Variants in CNOT10 observed in about 807,000 individuals in gnomAD.
The protein encoded by CNOT10 is CCR4-NOT transcription complex subunit 10.
Under a neutral mutation model 94.6 loss-of-function variants are expected in CNOT10, and 30 were observed. The observed-to-expected ratio is 0.32, with a 90% CI of 0.24 to 0.43. The LOEUF (loss-of-function observed/expected upper bound fraction) is 0.43, where lower values mean the gene tolerates loss of function less well. Ranked by LOEUF, CNOT10 falls within the 20% of genes least tolerant of loss-of-function variation. CNOT10 has a pLI of 1.00. For synonymous variants in CNOT10, 289 were observed against 301.6 expected (o/e 0.96, Z 0.43); for missense variants, 759 against 877.2 (o/e 0.87, Z 1.70).
intron 3 of CNOT10, among the ~76,000 whole-genome samples, chr3:32,707,296 T>TTA (rs1173680733): frequency 1.3e-5 from 2 of 151,892 alleles, no homozygotes; most frequent in Non-Finnish European, 2.9e-5. Context: ...TTCTTTTGTG[T>TTA]CAGTTACAGA....
At position 32,772,738 on chromosome 3, in the gene CNOT10, T is replaced by G. The variant is rs957134857; in HGVS notation, c.2081-719T>G. Among the ~76,000 whole-genome samples the G allele has an allele frequency of 5.3e-5, 8 of 152,164 alleles. No individual in the cohort carries two copies. The East Asian group carries it at 1.5e-3, about 29-fold the overall frequency. On this transcript the variant is annotated intron_variant, in intron 18 of 18. Transcript: ENST00000328834. ...TCTAAGGCATAACTCCTTGTTGACC[T>G]TGGGAACTCTTACAAGGCTCCCTTT... is the stretch of plus-strand genomic sequence containing the variant.
intron 6 of CNOT10, among the ~76,000 whole-genome samples, 163 bp from the exon 7 acceptor site, chr3:32,716,991 C>G (rs62250842): frequency 6.6e-6 from 1 of 152,016 alleles, no homozygotes; most frequent in African/African-American, 2.4e-5. Context: ...GAAGTATATT[C>G]GAAGAGTACA....
At chr3:32,693,153 G>C (rs1473314327) in intron 1 of CNOT10, among the ~76,000 whole-genome samples, 1 of 152,196 alleles carries the variant, frequency 6.6e-6, no homozygotes, top group Non-Finnish European at 1.5e-5. Context: ...CCAGTTTTCA[G>C]AACAAGGAGT....
chr3:32,720,192 A>G lies in CNOT10; in HGVS notation c.823A>G (p.Ser275Gly), dbSNP rs759000467. 22 of 1,540,130 alleles carry G rather than the reference A, an allele frequency of 1.4e-5. No homozygotes were observed. Among genetic ancestry groups the G allele is most frequent in the Non-Finnish European group, 1.7e-5 (19 of 1,128,552 alleles). The change falls in exon 8 of 19, where the codon AGT becomes GGT. Residue 275 changes from serine (S) to glycine (G), a missense_variant. By Grantham distance (56) the Ser-to-Gly change is moderately conservative (BLOSUM62 0). Coordinates refer to ENST00000328834, the MANE Select transcript of CNOT10 (RefSeq NM_015442.3). ...TCGAAAAGCCGTGAAGCTATTAAAT[A>G]GTTCAAACATTGCTGAGCATCCAGG... ...NYRKAVKLLNSSNIAEHPGFM... is the reference protein window; with the variant it reads ...NYRKAVKLLNGSNIAEHPGFM...
chr3:32,721,647 CTTTT>C (rs746767255), intron 8 of CNOT10, among the ~76,000 whole-genome samples: 2 of 131,592 alleles, frequency 1.5e-5, no homozygotes. Flanking sequence ...ATTACATATT[CTTTT>C]TTTTTTTTTT....
In CNOT10 at chr3:32,685,406, G is replaced by C. The variant is rs1410887182; in HGVS notation, c.-55G>C. The C allele has an allele frequency of 6.5e-7, 1 of 1,548,046 alleles. No individual in the cohort carries two copies. The highest frequency in any genetic ancestry group is 8.7e-7 in the Non-Finnish European group (1 of 1,144,994). Reference sequence around the variant, plus strand: ...GGTCCAGGACAGCGGCCAGCCCGGCGGCGGGAGTCAGGGCCACGCCACCTG... The same window carrying C: ...GGTCCAGGACAGCGGCCAGCCCGGCCGCGGGAGTCAGGGCCACGCCACCTG... On this transcript the variant is annotated 5_prime_UTR_variant, in exon 1 of 19. Coordinates refer to ENST00000328834, the MANE Select transcript of CNOT10 (RefSeq NM_015442.3).
At chr3:32,748,715 G>A (rs1298909907) in intron 13 of CNOT10, among the ~76,000 whole-genome samples, 1 of 151,636 alleles carries the variant, frequency 6.6e-6, no homozygotes, top group Non-Finnish European at 1.5e-5. Flanking sequence ...TCACCATTTT[G>A]GCCAGGCTGA....
chr3:32,767,070 G>A lies in CNOT10; in HGVS notation c.2004+2261G>A, dbSNP rs1700676704. ...GTTAGGAGACACCTTCCTAAAAAGG[G>A]AATTGCATGGTCAGAGGATATGCAG... is the stretch of plus-strand genomic sequence containing the variant. On this transcript the variant is annotated intron_variant, in intron 17 of 18. Transcript: ENST00000328834. Among the ~76,000 whole-genome samples, 4 of 152,192 alleles carry A rather than the reference G, an allele frequency of 2.6e-5. No homozygotes were observed. The South Asian group carries it at 8.3e-4, about 32-fold the overall frequency.
At chr3:32,755,881 A>G (rs1271613723) in intron 13 of CNOT10, among the ~76,000 whole-genome samples, 4 of 151,312 alleles carry the variant, frequency 2.6e-5, no homozygotes, top group South Asian at 2.1e-4. Flanking sequence ...CACAGGGGGG[A>G]AAAGCTAGTG....
intron 1 of CNOT10, among the ~76,000 whole-genome samples, chr3:32,686,081 C>T (rs1330252184): frequency 6.6e-6 from 1 of 152,192 alleles, no homozygotes; most frequent in East Asian, 1.9e-4. Context: ...CCTATTGTCT[C>T]TCTACAGTCT....
chr3:32,711,356 A>C (rs1243425019), intron 4 of CNOT10, among the ~76,000 whole-genome samples: 2 of 152,156 alleles, frequency 1.3e-5, no homozygotes, highest in Non-Finnish European at 2.9e-5. Flanking sequence ...AATACCTAAT[A>C]CACTGTAAAT....
At chr3:32,767,853 CAG>C (rs1700718016) in intron 17 of CNOT10, among the ~76,000 whole-genome samples, 1 of 152,178 alleles carries the variant, frequency 6.6e-6, no homozygotes, top group Non-Finnish European at 1.5e-5. Context: ...CTGCAGCAAA[CAG>C]AGCTTTTGAT....
At position 32,695,819 on chromosome 3, in the gene CNOT10, C is replaced by T. The variant is rs1559476218; in HGVS notation, c.23-8049C>T. ...GAAATGCTGTGGGATTATGTGCAGA[C>T]TCTGTCTGGTAAGAAGTCAGTAGTT... On this transcript the variant is annotated intron_variant, in intron 1 of 18. Transcript: ENST00000328834. The T allele has an allele frequency of 4.6e-6, 7 of 1,535,392 alleles. No homozygotes were observed. In the South Asian group the frequency reaches 4.8e-5, roughly 10 times the overall value.
intron 13 of CNOT10, among the ~76,000 whole-genome samples, chr3:32,744,708 A>AT (rs1699618746): frequency 6.6e-6 from 1 of 152,176 alleles, no homozygotes; most frequent in South Asian, 2.1e-4. Context: ...AGATACTAAT[A>AT]TAATGGATCA....
intron 13 of CNOT10, chr3:32,753,955 G>A: frequency 7.8e-6 from 7 of 893,828 alleles, no homozygotes; most frequent in Non-Finnish European, 1.2e-5. Context: ...AAATTAGCTG[G>A]GCATGGAGGT....
chr3:32,691,905 A>C (rs577855198), intron 1 of CNOT10, among the ~76,000 whole-genome samples: 24 of 151,900 alleles, frequency 1.6e-4, no homozygotes, highest in Non-Finnish European at 1.5e-5. Flanking sequence ...AAAATGTAAA[A>C]AATTAGTGGT....
chr3:32,751,444 T>A (rs186360002), intron 13 of CNOT10, among the ~76,000 whole-genome samples: 8 of 152,276 alleles, frequency 5.3e-5, no homozygotes, highest in African/African-American at 1.7e-4. Context: ...ATTTCTAAAA[T>A]GGGAGGCCAC....
chr3:32,693,680 T>C (rs968337370), intron 1 of CNOT10, among the ~76,000 whole-genome samples: 9 of 151,982 alleles, frequency 5.9e-5, no homozygotes, highest in Non-Finnish European at 1.3e-4. Flanking sequence ...TAGCTGGGAC[T>C]ATAGGCATGC....
intron 18 of CNOT10, among the ~76,000 whole-genome samples, chr3:32,770,353 T>G (rs1575319517): frequency 7.1e-6 from 1 of 139,992 alleles, no homozygotes; most frequent in Non-Finnish European, 1.5e-5. Flanking sequence ...TGAGACAGAG[T>G]CTTGCTCTGT....
Sources: allele counts gnomAD v4.1 joint callset (sites outside exome capture counted in the v4.1 genomes callset), GRCh38; gene constraint gnomAD v4.1.1; transcripts MANE v1.5; gene names NCBI Gene and HGNC (gene_info 2026-07-23, HGNC 2026-07-21).